Variants in ADAMTS16 observed in about 807,000 individuals in gnomAD.
ADAMTS16 encodes the protein A disintegrin and metalloproteinase with thrombospondin motifs 16.
Under a neutral mutation model 145.8 loss-of-function variants are expected in ADAMTS16, and 94 were observed. The observed-to-expected ratio is 0.64, with a 90% CI of 0.55 to 0.77. ADAMTS16 has a LOEUF of 0.77. Ranked by LOEUF, ADAMTS16 falls within the 30% of genes least tolerant of loss-of-function variation. The pLI, the probability that ADAMTS16 is intolerant of heterozygous loss-of-function variation, is 0.00. For synonymous variants in ADAMTS16, 659 were observed against 604.3 expected (o/e 1.09, Z -1.33); for missense variants, 1,585 against 1,591.5 (o/e 1.00, Z 0.07).
chr5:5,233,707 G>A (rs889358538), intron 12 of ADAMTS16, among the ~76,000 whole-genome samples: 8 of 152,168 alleles, frequency 5.3e-5, no homozygotes, highest in African/African-American at 1.9e-4. Flanking sequence ...ATTCCATGGT[G>A]TGTATGTACC....
At chr5:5,198,902 A>T (rs1579304898) in intron 8 of ADAMTS16, among the ~76,000 whole-genome samples, 1 of 152,156 alleles carries the variant, frequency 6.6e-6, no homozygotes, top group Non-Finnish European at 1.5e-5. Flanking sequence ...AGAAACCACC[A>T]TGTCCTTCTT....
At chr5:5,200,341 T>C in intron 9 of ADAMTS16, 72 bp downstream of exon 9, 2 of 1,579,790 alleles carry the variant, frequency 1.3e-6, no homozygotes, top group Non-Finnish European at 1.7e-6. Flanking sequence ...AGCCAGATCC[T>C]GTGCAAGCAG....
At chr5:5,184,326 C>T (rs1199424041) in intron 4 of ADAMTS16, among the ~76,000 whole-genome samples, 1 of 110,974 alleles carries the variant, frequency 9.0e-6, no homozygotes, top group Non-Finnish European at 2.2e-5. Flanking sequence ...CACAGATGCA[C>T]CCCCAGGGCA....
intron 10 of ADAMTS16, among the ~76,000 whole-genome samples, chr5:5,210,710 A>G (rs1224504843): frequency 6.6e-6 from 1 of 152,204 alleles, no homozygotes; most frequent in Non-Finnish European, 1.5e-5. Flanking sequence ...TGGTTTTTAT[A>G]CAGATACTCT....
intron 3 of ADAMTS16, among the ~76,000 whole-genome samples, chr5:5,167,206 A>G (rs1419446224): frequency 6.6e-6 from 1 of 152,156 alleles, no homozygotes; most frequent in Non-Finnish European, 1.5e-5. Flanking sequence ...GGATATTTGC[A>G]TAGTTTATCC....
rs549933866 is a variant in ADAMTS16, at chr5:5,221,367, G to T, written c.1606-1422G>T. Among the ~76,000 whole-genome samples, 3 of 152,258 alleles carry T rather than the reference G, an allele frequency of 2.0e-5. No homozygotes were observed. In the South Asian group the frequency reaches 6.2e-4, roughly 32 times the overall value. ...AGAACATACCCGGGTGCTCGCAGCA[G>T]TCTTCATGGGAGCAGCCATAGGAGC... On this transcript the variant is annotated intron_variant, in intron 10 of 22. Coordinates refer to ENST00000274181, the MANE Select transcript of ADAMTS16 (RefSeq NM_139056.4).
intron 11 of ADAMTS16, among the ~76,000 whole-genome samples, chr5:5,227,839 G>A (rs978259614): frequency 3.1e-4 from 47 of 152,114 alleles, no homozygotes; most frequent in African/African-American, 1.1e-3. Context: ...GCAAAAGACT[G>A]GAAATAATGC....
At chr5:5,172,366 T>C (rs1171702772) in intron 3 of ADAMTS16, among the ~76,000 whole-genome samples, 1 of 152,080 alleles carries the variant, frequency 6.6e-6, no homozygotes, top group Non-Finnish European at 1.5e-5. Flanking sequence ...TCTACTTTAT[T>C]GATGTAGGCA....
intron 3 of ADAMTS16, among the ~76,000 whole-genome samples, chr5:5,151,106 T>C (rs1042412743): frequency 6.6e-6 from 1 of 152,186 alleles, no homozygotes; most frequent in Non-Finnish European, 1.5e-5. Context: ...TTACATTGTG[T>C]GTACTGTACT....
chr5:5,167,012 A>G (rs1422404111), intron 3 of ADAMTS16, among the ~76,000 whole-genome samples: 1 of 152,150 alleles, frequency 6.6e-6, no homozygotes, highest in African/African-American at 2.4e-5. Context: ...TGATGACCCT[A>G]TGTAAAAGTC....
At chr5:5,201,511 T>C (rs1037115338) in intron 9 of ADAMTS16, among the ~76,000 whole-genome samples, 3 of 152,122 alleles carry the variant, frequency 2.0e-5, no homozygotes, top group East Asian at 3.9e-4. Context: ...GTAGGGCAAA[T>C]ACTAATACTT....
intron 9 of ADAMTS16, among the ~76,000 whole-genome samples, chr5:5,204,706 C>T (rs1201872477): frequency 6.6e-6 from 1 of 152,094 alleles, no homozygotes; most frequent in African/African-American, 2.4e-5. Flanking sequence ...ATTTGAGTTT[C>T]CAATTTTTGG....
chr5:5,319,175 G>A lies in ADAMTS16; in HGVS notation c.*37G>A, dbSNP rs376565925. 1.7e-4 allele frequency: 246 copies of A among 1,478,594 alleles called. No homozygotes were observed. Among genetic ancestry groups the A allele is most frequent in the Admixed American group, 2.2e-4 (12 of 54,318 alleles). The allele number at this position is 1,478,594 out of a possible 1,614,324, so 91.6% of individuals were successfully genotyped here. A position where few individuals can be genotyped will look rare whatever the true frequency, so the allele number is the denominator to read the frequency against. ...TCTCCGTAGCAGAGAAAGTGCCTGCGTGGCACAGAAATTTCCCACAAATGA... is the reference window on the plus strand; with the variant it reads ...TCTCCGTAGCAGAGAAAGTGCCTGCATGGCACAGAAATTTCCCACAAATGA... On this transcript the variant is annotated 3_prime_UTR_variant, in exon 23 of 23. Transcript: ENST00000274181.
At chr5:5,316,957 C>T (rs1017848653) in intron 21 of ADAMTS16, among the ~76,000 whole-genome samples, 2 of 152,208 alleles carry the variant, frequency 1.3e-5, no homozygotes, top group Non-Finnish European at 2.9e-5. Context: ...CTCAAAAATA[C>T]TCTAGACTTC....
At chr5:5,188,972 A>G (rs1245034277) in intron 6 of ADAMTS16, among the ~76,000 whole-genome samples, 3 of 152,236 alleles carry the variant, frequency 2.0e-5, no homozygotes, top group Non-Finnish European at 4.4e-5. Context: ...GTTAACTTTA[A>G]TTAATGCAGT....
chr5:5,288,627 A>G (rs1739187392), intron 18 of ADAMTS16, among the ~76,000 whole-genome samples: 1 of 152,226 alleles, frequency 6.6e-6, no homozygotes. Flanking sequence ...TATAAAATAG[A>G]TAGGCATCAC....
chr5:5,240,993 G>A (rs141262034), intron 16 of ADAMTS16, among the ~76,000 whole-genome samples: 2 of 152,244 alleles, frequency 1.3e-5, no homozygotes, highest in African/African-American at 4.8e-5. Flanking sequence ...CACGGAAGAA[G>A]AGTTGCAGAG....
At chr5:5,194,100 TA>T (rs371912353) in intron 8 of ADAMTS16, among the ~76,000 whole-genome samples, 44 of 147,998 alleles carry the variant, frequency 3.0e-4, no homozygotes, top group African/African-American at 7.0e-4. Context: ...AGACCCTGTA[TA>T]AAAAAAAAAT....
At chr5:5,196,853 C>G (rs1735820782) in intron 8 of ADAMTS16, among the ~76,000 whole-genome samples, 1 of 152,258 alleles carries the variant, frequency 6.6e-6, no homozygotes, top group African/African-American at 2.4e-5. Context: ...CTGGGGGGGT[C>G]AAGTAATTTG....
Sources: gnomAD v4.1 joint callset for allele counts (sites outside exome capture counted in the v4.1 genomes callset) on GRCh38, gnomAD v4.1.1 for gene constraint, MANE v1.5 for transcripts, NCBI Gene and HGNC (gene_info 2026-07-23, HGNC 2026-07-21) for gene names.